The following AHNAK2 variants were observed in gnomAD, a reference collection of about 807,000 sequenced individuals.
The protein encoded by AHNAK2 is AHNAK nucleoprotein 2.
AHNAK2 carries 18 observed loss-of-function variants against 30.7 expected under a neutral mutation model. The observed-to-expected ratio is 0.59, with a 90% confidence interval of 0.41 to 0.87. The LOEUF is 0.87. Among genes scored for constraint, AHNAK2 ranks in the 40% least tolerant of loss-of-function variants. The pLI is 0.00. For synonymous variants in AHNAK2, 3,590 were observed against 3,073.8 expected (o/e 1.17, Z -5.56); for missense variants, 8,604 against 7,373.0 (o/e 1.17, Z -6.11).
rs191279322 is a variant in AHNAK2, at chr14:104,956,195, C to T, written c.315+393G>A. Among the ~76,000 whole-genome samples the T allele has an allele frequency of 2.6e-3, 396 of 152,302 alleles. 1 individual carries two copies. The highest frequency in any genetic ancestry group is 9.2e-3 in the African/African-American group (381 of 41,566). On this transcript the variant is annotated intron_variant, in intron 4 of 6. Transcript: ENST00000333244. ...GAGTGCCCTCATCATTGGGTGCTAG[C>T]AGAGTCTAGCACCTTCCATAGTTCC... is the stretch of plus-strand genomic sequence containing the variant.
Position 104,946,834 on chromosome 14 carries a change from G to A in AHNAK2, c.8617C>T (p.Gln2873Ter). Reference sequence around the variant, plus strand: ...AGTTTCACGTCCACCTGGCCAGCCTGGACCTCCAGTTGGGCGGAGGGGGGC... The same window carrying A: ...AGTTTCACGTCCACCTGGCCAGCCTAGACCTCCAGTTGGGCGGAGGGGGGC... ...IQPPSAQLEV[Q>*]AGQVDVKLPE... Residue 2873 changes from glutamine (Q) to a stop codon, truncating the protein, a stop_gained, in exon 7 of 7, where the codon CAG (glutamine) becomes TAG (stop). Coordinates refer to ENST00000333244, the MANE Select transcript of AHNAK2 (RefSeq NM_138420.4). LOFTEE classifies it low-confidence loss of function (END_TRUNC). 1 of 1,612,718 alleles carries A rather than the reference G, an allele frequency of 6.2e-7. No individual in the cohort carries two copies. The highest frequency in any genetic ancestry group is 8.5e-7 in the Non-Finnish European group (1 of 1,179,654).
intron 1 of AHNAK2, among the ~76,000 whole-genome samples, chr14:104,958,432 G>A (rs1429003001): frequency 6.6e-6 from 1 of 151,694 alleles, no homozygotes; most frequent in Non-Finnish European, 1.5e-5. Flanking sequence ...TGGGCAACAA[G>A]AGTGAAACTC....
In AHNAK2 at chr14:104,952,968, G is replaced by C. The variant is rs1898826110; in HGVS notation, c.2483C>G (p.Ala828Gly). 6.2e-7 allele frequency: 1 copy of C among 1,612,324 alleles called. No individual in the cohort carries two copies. Among genetic ancestry groups the C allele is most frequent in the African/African-American group, 1.3e-5 (1 of 74,310 alleles). ...DLSLADKEVT[A>G]KDSKFKMPKF... is the part of the protein sequence containing the mutation. ...GGGCATTTTGAACTTGCTGTCTTTG[G>C]CAGTCACCTCCTTGTCGGCCAGGGA... is the stretch of plus-strand genomic sequence containing the variant. The change falls in exon 7 of 7, where the codon GCC becomes GGC. Residue 828 changes from alanine to glycine, a missense_variant. By Grantham distance (60) the Ala-to-Gly change is moderately conservative. Transcript: ENST00000333244.
chr14:104,948,453 A>AG lies in AHNAK2; in HGVS notation c.6997dup (p.Leu2333ProfsTer33), dbSNP rs775496435. On this transcript the variant is annotated frameshift_variant, in exon 7 of 7. Coordinates refer to ENST00000333244, the MANE Select transcript of AHNAK2 (RefSeq NM_138420.4). LOFTEE classifies it low-confidence loss of function (END_TRUNC). ...CGCTGAGGCCTCGATGGACTTGCCA[A>AG]GGGCAGACACCCCAAACGACAGCAT... is the stretch of plus-strand genomic sequence containing the variant. The AG allele has an allele frequency of 5.6e-6, 9 of 1,611,052 alleles. No individual in the cohort carries two copies. The African/African-American group carries it at 1.2e-4, about 22-fold the overall frequency.
Position 104,942,214 on chromosome 14 carries a change from G to A in AHNAK2, c.13237C>T (p.Pro4413Ser). The A allele has an allele frequency of 6.2e-7, 1 of 1,613,084 alleles. No individual in the cohort carries two copies. Reference sequence around the variant, plus strand: ...TTGGGGGACGTCACCTCCACCTTGGGGCCTTTCAGGTCCAGCTTGGGGACA... The same window carrying A: ...TTGGGGGACGTCACCTCCACCTTGGAGCCTTTCAGGTCCAGCTTGGGGACA... ...VNVPKLDLKG[P>S]KVEVTSPNLD... Residue 4413 changes from proline (P) to serine (S), a missense_variant, in exon 7 of 7, where the codon CCC (proline) becomes TCC (serine). By Grantham distance (74) the Pro-to-Ser change is moderately conservative. Coordinates refer to ENST00000333244, the MANE Select transcript of AHNAK2 (RefSeq NM_138420.4).
chr14:104,951,784 G>A lies in AHNAK2; in HGVS notation c.3667C>T (p.His1223Tyr), dbSNP rs202106100. ...IQPPSADLEV[H>Y]AGQVDVKLLE... ...AGCTTCACGTCCACCTGGCCAGCGT[G>A]GACCTCCAGGTCAGCGGAAGGGGGC... The change falls in exon 7 of 7, where the codon CAC becomes TAC. Residue 1223 changes from histidine (H) to tyrosine (Y), a missense_variant. Coordinates refer to ENST00000333244, the MANE Select transcript of AHNAK2 (RefSeq NM_138420.4). 3.5e-4 allele frequency: 473 copies of A among 1,342,262 alleles called. 159 individuals carry two copies. Among genetic ancestry groups the A allele is most frequent in the Non-Finnish European group, 4.8e-4 (454 of 948,500 alleles). The allele number at this position is 1,342,262 out of a possible 1,614,324, so 83.1% of individuals were successfully genotyped here.
chr14:104,945,386 G>T lies in AHNAK2; in HGVS notation c.10065C>A (p.Asp3355Glu). 1.2e-6 allele frequency: 2 copies of T among 1,612,916 alleles called. No individual in the cohort carries two copies. The highest frequency in any genetic ancestry group is 1.7e-6 in the Non-Finnish European group (2 of 1,179,564). ...PSMQGDLKTTDLSIQLPSVDL... is the reference protein window; with the variant it reads ...PSMQGDLKTTELSIQLPSVDL... ...CCACAGAAGGGAGCTGAATGCTGAG[G>T]TCAGTGGTCTTGAGGTCCCCCTGCA... is the stretch of plus-strand genomic sequence containing the variant. Residue 3355 changes from aspartate to glutamate, a missense_variant, in exon 7 of 7, where the codon GAC becomes GAA. Transcript: ENST00000333244.
intron 1 of AHNAK2, among the ~76,000 whole-genome samples, chr14:104,962,586 T>C (rs1316501259): frequency 6.6e-6 from 1 of 151,556 alleles, no homozygotes; most frequent in Non-Finnish European, 1.5e-5. Context: ...CCATCATGCC[T>C]CACTAATTTT....
chr14:104,942,103 A>G lies in AHNAK2; in HGVS notation c.13348T>C (p.Ser4450Pro). ...LDSTRLEGDL[S>P]LADKDVTAKD... ...GCAGTCACGTCCTTGTCAGCCAGGG[A>G]CAGGTCCCCCTCCAGCCGCGTACTG... The change falls in exon 7 of 7, where the codon TCC (serine) becomes CCC (proline). Residue 4450 changes from serine to proline, a missense_variant. Ser to Pro is a moderately conservative substitution (Grantham distance 74, BLOSUM62 -1). Coordinates refer to ENST00000333244, the MANE Select transcript of AHNAK2 (RefSeq NM_138420.4). The G allele has an allele frequency of 6.2e-7, 1 of 1,612,764 alleles. No individual in the cohort carries two copies. The highest frequency in any genetic ancestry group is 8.5e-7 in the Non-Finnish European group (1 of 1,179,610).
In AHNAK2 at chr14:104,954,240, A is replaced by T. The variant is rs1364163685; in HGVS notation, c.1211T>A (p.Leu404His). Residue 404 changes from leucine (L) to histidine (H), a missense_variant, in exon 7 of 7, where the codon CTT becomes CAT. Leu to His is a moderately conservative substitution (Grantham distance 99, BLOSUM62 -3). Transcript: ENST00000333244. The surrounding 1 kb of genome is among the most constrained non-coding windows in gnomAD (Gnocchi z 4.3). ...PLPTELGDPR[L>H]CEGTPQEGGL... ...CCCTTCCTGAGGGGTTCCCTCGCAA[A>T]GTCTAGGGTCACCGAGCTCTGTGGG... 1 of 1,611,848 alleles carries T rather than the reference A, an allele frequency of 6.2e-7. No homozygotes were observed. Among genetic ancestry groups the T allele is most frequent in the Non-Finnish European group, 8.5e-7 (1 of 1,179,744 alleles).
rs760445887 is a variant in AHNAK2, at chr14:104,948,215, G to C, written c.7236C>G (p.Pro2412=). 2 of 1,611,822 alleles carry C rather than the reference G, an allele frequency of 1.2e-6. No individual in the cohort carries two copies. Among genetic ancestry groups the C allele is most frequent in the African/African-American group, 2.7e-5 (2 of 74,222 alleles). ...TCTGGGGGCCCTTGAGATCTACTTT[G>C]GGCATCTTGAAACTGGGCATCTGCA... ...PKLQMPSFKM[P]KVDLKGPQID... The change falls in exon 7 of 7, where the codon CCC becomes CCG. Residue 2412 remains proline (P), a synonymous_variant. Coordinates refer to ENST00000333244, the MANE Select transcript of AHNAK2 (RefSeq NM_138420.4).
At position 104,946,763 on chromosome 14, in the gene AHNAK2, C is replaced by G. The variant is rs755980026; in HGVS notation, c.8688G>C (p.Leu2896=). The change falls in exon 7 of 7, where the codon CTG becomes CTC. Residue 2896 remains leucine (L), a synonymous_variant. Transcript: ENST00000333244. ...VPEGAGLKGH[L]PKVQMPSFKM... ...TGAAACTGGGCATCTGCACCTTGGG[C>G]AGGTGCCCTTTGAGGCCGGCTCCCT... 30 of 1,612,636 alleles carry G rather than the reference C, an allele frequency of 1.9e-5. No individual in the cohort carries two copies. The highest frequency in any genetic ancestry group is 1.6e-4 in the East Asian group (7 of 44,776).
At position 104,941,150 on chromosome 14, in the gene AHNAK2, A is replaced by AAAC. The variant is rs772709928; in HGVS notation, c.14298_14300dup (p.Gly4766_Phe4767insLeu). On this transcript the variant is annotated inframe_insertion, in exon 7 of 7. Transcript: ENST00000333244. ...CAGTGAGATCAAGCCGGGATGATGG[A>AAAC]AACCCAGCAAAACCCACCTTAGGCA... The AAAC allele has an allele frequency of 2.5e-6, 4 of 1,613,560 alleles. No homozygotes were observed. Among genetic ancestry groups the AAAC allele is most frequent in the Non-Finnish European group, 3.4e-6 (4 of 1,179,888 alleles).
rs1595389094 is a variant in AHNAK2, at chr14:104,940,188, T to G, written c.15263A>C (p.His5088Pro). 6.2e-7 allele frequency: 1 copy of G among 1,613,536 alleles called. No homozygotes were observed. The highest frequency in any genetic ancestry group is 8.5e-7 in the Non-Finnish European group (1 of 1,179,866). ...ACTGGGAATGTGGACCTGTGGCCGG[T>G]GGAGGTTCACACCCTCACTTCCTGT... Reference protein sequence around the residue: ...SATGSEGVNLHRPQVHIPSLG... With the variant: ...SATGSEGVNLPRPQVHIPSLG... Residue 5088 changes from histidine (H) to proline (P), a missense_variant, in exon 7 of 7, where the codon CAC becomes CCC. Physicochemically the swap from His to Pro is moderately conservative, Grantham distance 77. Transcript: ENST00000333244. The surrounding 1 kb of genome is among the most constrained non-coding windows in gnomAD (Gnocchi z 4.4).
chr14:104,957,553 G>A (rs1435825151), intron 2 of AHNAK2, 45 bp from the exon 3 acceptor site: 2 of 1,595,112 alleles, frequency 1.3e-6, no homozygotes, highest in Middle Eastern at 1.7e-4. Context: ...GGTTCTCCCA[G>A]GGCCCAGGGA....
intron 1 of AHNAK2, among the ~76,000 whole-genome samples, chr14:104,960,352 C>A (rs1420507160): frequency 6.6e-6 from 1 of 152,118 alleles, no homozygotes; most frequent in Non-Finnish European, 1.5e-5. Flanking sequence ...TTTTTCTTGT[C>A]ATTATTCCCT....
At position 104,948,298 on chromosome 14, in the gene AHNAK2, T is replaced by C. The variant is rs752866981; in HGVS notation, c.7153A>G (p.Lys2385Glu). 4 of 1,612,204 alleles carry C rather than the reference T, an allele frequency of 2.5e-6. No homozygotes were observed. Among genetic ancestry groups the C allele is most frequent in the Non-Finnish European group, 3.4e-6 (4 of 1,179,462 alleles). The change falls in exon 7 of 7, where the codon AAA becomes GAA. Residue 2385 changes from lysine (K) to glutamate (E), a missense_variant. Lys to Glu is a moderately conservative substitution (Grantham distance 56, BLOSUM62 1). Coordinates refer to ENST00000333244, the MANE Select transcript of AHNAK2 (RefSeq NM_138420.4). Reference sequence around the variant, plus strand: ...TCCGGCACGGGGCCCTCTGGGAGTTTCACATCCACTTGGCCAGCCTGGACC... The same window carrying C: ...TCCGGCACGGGGCCCTCTGGGAGTTCCACATCCACTTGGCCAGCCTGGACC... ...LEVQAGQVDV[K>E]LPEGPVPEGA... is the part of the protein sequence containing the mutation.
At position 104,937,951 on chromosome 14, in the gene AHNAK2, T is replaced by C. The variant is rs1897854543; in HGVS notation, c.*112A>G. ...CATTTCTGCTCTGTTCTCCGTTCTGTGAAGTGAGGTGGATGTAATGTGCTG... is the reference window on the plus strand; with the variant it reads ...CATTTCTGCTCTGTTCTCCGTTCTGCGAAGTGAGGTGGATGTAATGTGCTG... On this transcript the variant is annotated 3_prime_UTR_variant, in exon 7 of 7. Coordinates refer to ENST00000333244, the MANE Select transcript of AHNAK2 (RefSeq NM_138420.4). 2 of 1,154,036 alleles carry C rather than the reference T, an allele frequency of 1.7e-6. No homozygotes were observed. Among genetic ancestry groups the C allele is most frequent in the African/African-American group, 1.5e-5 (1 of 64,772 alleles). 71.5% of individuals were successfully genotyped at this position (1,154,036 alleles called of 1,614,324 possible).
chr14:104,953,297 G>C lies in AHNAK2; in HGVS notation c.2154C>G (p.Leu718=), dbSNP rs576956264. 8.7e-6 allele frequency: 14 copies of C among 1,612,592 alleles called. No individual in the cohort carries two copies. The highest frequency in any genetic ancestry group is 6.7e-5 in the African/African-American group (5 of 74,384). The change falls in exon 7 of 7, where the codon CTC becomes CTG. Residue 718 remains leucine, a synonymous_variant. Coordinates refer to ENST00000333244, the MANE Select transcript of AHNAK2 (RefSeq NM_138420.4). ...DVSLLSMQGD[L]KTTDLSVQTP... is the part of the protein sequence containing the mutation. ...TCTGGACGCTGAGGTCAGTGGTCTTGAGGTCCCCCTGCATGGAGAGGAGGC... is the reference window on the plus strand; with the variant it reads ...TCTGGACGCTGAGGTCAGTGGTCTTCAGGTCCCCCTGCATGGAGAGGAGGC...
Sources: allele counts gnomAD v4.1 joint callset (sites outside exome capture counted in the v4.1 genomes callset), GRCh38; gene constraint gnomAD v4.1.1; non-coding constraint Gnocchi (gnomAD v3.1); transcripts MANE v1.5; gene names NCBI Gene and HGNC (gene_info 2026-07-23, HGNC 2026-07-21).